MON2: variants seen among roughly 807,000 people sequenced by gnomAD.
MON2 encodes the protein protein MON2 homolog.
A neutral mutation model predicts 208.6 loss-of-function variants in MON2; 84 were observed. The ratio of observed to expected loss-of-function variants is 0.40; its 90% CI spans 0.34 to 0.48. The LOEUF is 0.48. MON2 is among the 20% of genes least tolerant of loss of function. MON2 has a pLI of 0.59. For synonymous variants in MON2, 660 were observed against 694.0 expected, an observed-to-expected ratio of 0.95 and a Z score of 0.77; for missense variants, 1,611 against 2,015.4, an observed-to-expected ratio of 0.80 and a Z score of 3.84.
At chr12:62,554,830 TTG>T (rs767262421) in intron 24 of MON2, among the ~76,000 whole-genome samples, 9 of 151,948 alleles carry the variant, frequency 5.9e-5, no homozygotes, top group African/African-American at 2.2e-4. Context: ...CTCCTTACCT[TTG>T]TGTGTGTGTG....
intron 23 of MON2, among the ~76,000 whole-genome samples, chr12:62,550,391 G>A (rs2073687762): frequency 6.6e-6 from 1 of 152,002 alleles, no homozygotes; most frequent in Non-Finnish European, 1.5e-5. Context: ...GTATGGTGGT[G>A]CACACCTGTA....
chr12:62,515,864 C>G (rs1226747696), intron 8 of MON2, among the ~76,000 whole-genome samples: 1 of 151,676 alleles, frequency 6.6e-6, no homozygotes, highest in Non-Finnish European at 1.5e-5. Flanking sequence ...CGATGTGAAA[C>G]AGTTGATACT....
intron 4 of MON2, among the ~76,000 whole-genome samples, chr12:62,495,493 A>G (rs2070419217): frequency 1.3e-5 from 2 of 152,064 alleles, no homozygotes; most frequent in African/African-American, 2.4e-5. Flanking sequence ...GATCAAGACC[A>G]TCCTGGCTAA....
chr12:62,555,840 C>T (rs1038410768), intron 24 of MON2, among the ~76,000 whole-genome samples, 154 bp from the exon 25 acceptor site: 1 of 148,952 alleles, frequency 6.7e-6, no homozygotes, highest in Admixed American at 6.7e-5. Context: ...TGTATAATTA[C>T]TCTATTGGTC....
intron 34 of MON2, 45 bp from the exon 35 acceptor site, chr12:62,592,541 C>T (rs2075429621): frequency 1.4e-6 from 2 of 1,466,268 alleles, no homozygotes; most frequent in South Asian, 1.4e-5. Flanking sequence ...TGAATAATCT[C>T]TATTTAATTC....
chr12:62,518,801 G>A (rs1403654985), intron 8 of MON2, among the ~76,000 whole-genome samples: 1 of 152,108 alleles, frequency 6.6e-6, no homozygotes, highest in African/African-American at 2.4e-5. Flanking sequence ...GGACTGAGTT[G>A]GCAAAGTTGA....
At chr12:62,572,216 T>G (rs2074617857) in intron 30 of MON2, among the ~76,000 whole-genome samples, 1 of 152,182 alleles carries the variant, frequency 6.6e-6, no homozygotes, top group Non-Finnish European at 1.5e-5. Context: ...AAAATTAAAA[T>G]TTTCTTCAGT....
At position 62,571,426 on chromosome 12, in the gene MON2, G is replaced by A. The variant is rs2074593542; in HGVS notation, c.4358G>A (p.Cys1453Tyr). ...LRVPLSLKYS[C>Y]PSESTWKLAV... ...GTTCCTCTCAGTTTGAAGTATTCCT[G>A]CCCTTCTGAAAGCACATGGAAACTA... Residue 1453 changes from cysteine to tyrosine, a missense_variant, in exon 30 of 35, where the codon TGC becomes TAC. By Grantham distance (194) the Cys-to-Tyr change is radical. Coordinates refer to ENST00000393630, the MANE Select transcript of MON2 (RefSeq NM_015026.3). 6.2e-7 allele frequency: 1 copy of A among 1,612,032 alleles called. No individual in the cohort carries two copies. Among genetic ancestry groups the A allele is most frequent in the Non-Finnish European group, 8.5e-7 (1 of 1,178,718 alleles).
intron 1 of MON2, among the ~76,000 whole-genome samples, chr12:62,482,091 C>T (rs1450175359): frequency 6.6e-6 from 1 of 152,200 alleles, no homozygotes; most frequent in Non-Finnish European, 1.5e-5. Flanking sequence ...CTATTGCTGT[C>T]ATCAGAAAGA....
chr12:62,558,134 A>G (rs904567274), intron 25 of MON2, among the ~76,000 whole-genome samples: 5 of 150,704 alleles, frequency 3.3e-5, no homozygotes, highest in Non-Finnish European at 7.4e-5. Flanking sequence ...ATGCGCCACC[A>G]TGCCCGGCTA....
intron 1 of MON2, among the ~76,000 whole-genome samples, chr12:62,483,576 C>A (rs936452735): frequency 6.6e-6 from 1 of 152,090 alleles, no homozygotes; most frequent in South Asian, 2.1e-4. Flanking sequence ...ATTAGCCAGG[C>A]ATGGTGGTGG....
chr12:62,555,904 CA>C lies in MON2; in HGVS notation c.3211-88del, dbSNP rs1378522868. On this transcript the variant is annotated intron_variant, in intron 24 of 34. Transcript: ENST00000393630. ...AGACTGTCAAGTATATTTTTTGTAA[CA>C]ATTTGTAGATTCTTATGCTGTTGCT... is the stretch of plus-strand genomic sequence containing the variant. 5 of 958,928 alleles carry C rather than the reference CA, an allele frequency of 5.2e-6. No individual in the cohort carries two copies. In the African/African-American group the frequency reaches 8.4e-5, roughly 16 times the overall value. 59.4% of individuals were successfully genotyped at this position (958,928 alleles called of 1,614,324 possible).
chr12:62,513,960 A>G (rs1262691463), intron 8 of MON2, among the ~76,000 whole-genome samples: 1 of 145,318 alleles, frequency 6.9e-6, no homozygotes, highest in East Asian at 2.2e-4. Context: ...AAAAAAAAAA[A>G]GAAAGAAAGA....
At chr12:62,467,855 T>G (rs1330562859) in intron 1 of MON2, among the ~76,000 whole-genome samples, 1 of 152,156 alleles carries the variant, frequency 6.6e-6, no homozygotes, top group Non-Finnish European at 1.5e-5. Flanking sequence ...ATGTTAAACC[T>G]TGTTATGAGC....
rs747865537 is a variant in MON2 at position 62,560,806 on chromosome 12, C to T, written c.3725C>T (p.Ala1242Val). 1 of 1,614,096 alleles carries T rather than the reference C, an allele frequency of 6.2e-7. No homozygotes were observed. Among genetic ancestry groups the T allele is most frequent in the East Asian group, 2.2e-5 (1 of 44,878 alleles). ...DELEDLNLWW[A>V]AWNTWYRIGS... Reference sequence around the variant, plus strand: ...CTTGAAGATTTGAATCTATGGTGGGCTGCGTGGAATACCTGGTATAGAATT... The same window carrying T: ...CTTGAAGATTTGAATCTATGGTGGGTTGCGTGGAATACCTGGTATAGAATT... Residue 1242 changes from alanine (A) to valine (V), a missense_variant, in exon 26 of 35, where the codon GCT becomes GTT. Transcript: ENST00000393630.
intron 5 of MON2, among the ~76,000 whole-genome samples, chr12:62,499,335 T>C (rs2070712765): frequency 6.6e-6 from 1 of 152,184 alleles, no homozygotes; most frequent in South Asian, 2.1e-4. Context: ...TTTTTCATGT[T>C]ATTGCTTCGT....
chr12:62,588,390 ATTG>A (rs2075288683), intron 34 of MON2, among the ~76,000 whole-genome samples: 1 of 147,716 alleles, frequency 6.8e-6, no homozygotes, highest in African/African-American at 2.5e-5. Flanking sequence ...TTTTTACTAT[ATTG>A]TTCTGAAGTC....
intron 29 of MON2, among the ~76,000 whole-genome samples, chr12:62,570,365 T>C (rs77173002): frequency 0.071 from 10,791 of 152,190 alleles, 583 homozygotes; most frequent in Non-Finnish European, 0.1. Flanking sequence ...ACAAAAATAT[T>C]AGAGTAGGAT....
chr12:62,538,608 T>A, intron 19 of MON2, 103 bp downstream of exon 19: 4 of 794,944 alleles, frequency 5.0e-6, no homozygotes, highest in Non-Finnish European at 8.1e-6. Flanking sequence ...ACACTCAGAT[T>A]GTATGGTAAC....
Sources: allele counts gnomAD v4.1 joint callset (sites outside exome capture counted in the v4.1 genomes callset), GRCh38; gene constraint gnomAD v4.1.1; transcripts MANE v1.5; gene names NCBI Gene and HGNC (gene_info 2026-07-23, HGNC 2026-07-21).